The following ACACA variants were observed in gnomAD, a reference collection of about 807,000 sequenced individuals.
ACACA encodes the protein acetyl-CoA carboxylase alpha.
ACACA carries 103 observed loss-of-function variants against 296.1 expected under a neutral mutation model. The observed-to-expected ratio is 0.35, with a 90% confidence interval of 0.30 to 0.41. The LOEUF is 0.41. Ranked by LOEUF, ACACA falls within the 10% of genes least tolerant of loss-of-function variation. The probability of loss-of-function intolerance (pLI) is 1.00; values close to 1 mark genes in which losing one functional copy is unlikely to be tolerated. For missense variants in ACACA, 1,554 were observed against 2,989.7 expected (o/e 0.52, Z 11.20); for synonymous variants, 953 against 1,038.6 (o/e 0.92, Z 1.58).
At chr17:37,158,286 A>G (rs901250985) in intron 42 of ACACA, among the ~76,000 whole-genome samples, 1 of 152,178 alleles carries the variant, frequency 6.6e-6, no homozygotes, top group African/African-American at 2.4e-5. Context: ...CAGGGGTAAG[A>G]TATAAATTTG....
intron 52 of ACACA, among the ~76,000 whole-genome samples, chr17:37,101,385 G>A (rs1464499472): frequency 3.3e-5 from 5 of 152,030 alleles, no homozygotes; most frequent in Admixed American, 1.3e-4. Flanking sequence ...TAGGGTACTG[G>A]GCACCATTCT....
chr17:37,256,384 G>T lies in ACACA; in HGVS notation c.1826+1319C>A, dbSNP rs532421067. ...AATTCCACTTATAGTTTTGAAGAAT[G>T]AGAAGAAATGTAAAGGACAAAATAG... On this transcript the variant is annotated intron_variant, in intron 14 of 55. Transcript: ENST00000616317. Among the ~76,000 whole-genome samples the T allele has an allele frequency of 5.7e-4, 87 of 152,304 alleles. 3 individuals carry two copies. The South Asian group carries it at 0.017, about 30-fold the overall frequency.
chr17:37,309,735 G>A (rs2084044321), intron 3 of ACACA, among the ~76,000 whole-genome samples: 1 of 152,056 alleles, frequency 6.6e-6, no homozygotes, highest in African/African-American at 2.4e-5. Flanking sequence ...AGATCATTCA[G>A]GGTCTCATGA....
At chr17:37,283,446 A>G (rs2082635645) in intron 4 of ACACA, 41 bp from the exon 5 acceptor site, 1 of 1,609,532 alleles carries the variant, frequency 6.2e-7, no homozygotes, top group Admixed American at 1.7e-5. Context: ...GAAAAGGCAG[A>G]AAAAAGCAAC....
intron 3 of ACACA, among the ~76,000 whole-genome samples, chr17:37,318,474 CAGG>C (rs967899677): frequency 6.6e-5 from 10 of 152,212 alleles, no homozygotes; most frequent in African/African-American, 1.9e-4. Flanking sequence ...CTCCTCACCT[CAGG>C]AGATCCACCT....
intron 3 of ACACA, among the ~76,000 whole-genome samples, chr17:37,290,441 C>A (rs1470776168): frequency 6.6e-6 from 1 of 152,202 alleles, no homozygotes; most frequent in Non-Finnish European, 1.5e-5. Context: ...ATGGGACAGA[C>A]ACTATGCTAA....
intron 1 of ACACA, among the ~76,000 whole-genome samples, chr17:37,381,095 A>G (rs1568080195): frequency 6.6e-6 from 1 of 152,072 alleles, no homozygotes. Flanking sequence ...TGCATATTTT[A>G]AAAACATAAA....
At chr17:37,394,215 C>CTT (rs796871691) in intron 1 of ACACA, among the ~76,000 whole-genome samples, 7 of 144,494 alleles carry the variant, frequency 4.8e-5, no homozygotes, top group Admixed American at 3.5e-4. Context: ...TTTTCTTTTT[C>CTT]TTTTTTTTTT....
At chr17:37,388,702 T>G (rs753388785) in intron 1 of ACACA, 8 of 1,611,902 alleles carry the variant, frequency 5.0e-6, no homozygotes, top group Non-Finnish European at 6.8e-6. Context: ...GAGACAGAAA[T>G]GGAGTATTGT....
At chr17:37,186,399 T>G (rs1003662622) in intron 39 of ACACA, among the ~76,000 whole-genome samples, 8 of 152,222 alleles carry the variant, frequency 5.3e-5, no homozygotes, top group Non-Finnish European at 1.2e-4. Context: ...TTTCTCTTTA[T>G]ACGCATAGTG....
At chr17:37,394,857 C>T (rs1457732215) in intron 1 of ACACA, among the ~76,000 whole-genome samples, 3 of 150,974 alleles carry the variant, frequency 2.0e-5, no homozygotes, top group Non-Finnish European at 4.4e-5. Flanking sequence ...CCACTGCACT[C>T]CAGCCTGGGC....
chr17:37,333,568 AGGAAAAATACTTTT>A (rs1270348390), intron 2 of ACACA, among the ~76,000 whole-genome samples: 3 of 152,014 alleles, frequency 2.0e-5, no homozygotes, highest in East Asian at 3.9e-4. Context: ...CCACCAAAGA[AGGAAAAATACTTTT>A]GCCTGCAGCT....
intron 41 of ACACA, among the ~76,000 whole-genome samples, chr17:37,176,619 A>G (rs1248277470): frequency 6.6e-6 from 1 of 152,144 alleles, no homozygotes; most frequent in African/African-American, 2.4e-5. Context: ...CTGAAAGTCA[A>G]CTTGCCCTGA....
intron 3 of ACACA, among the ~76,000 whole-genome samples, chr17:37,287,165 CT>C (rs2082814099): frequency 6.6e-6 from 1 of 152,124 alleles, no homozygotes; most frequent in Non-Finnish European, 1.5e-5. Flanking sequence ...CTATTCCCAC[CT>C]TTTCTTCCTT....
intron 1 of ACACA, among the ~76,000 whole-genome samples, chr17:37,353,990 C>T (rs1217753597): frequency 6.6e-6 from 1 of 152,136 alleles, no homozygotes; most frequent in Non-Finnish European, 1.5e-5. Context: ...TGCCTGCGAT[C>T]CCAGCTACTC....
At chr17:37,156,275 G>A (rs554624540) in intron 42 of ACACA, among the ~76,000 whole-genome samples, 32 of 151,978 alleles carry the variant, frequency 2.1e-4, no homozygotes, top group African/African-American at 7.7e-4. Flanking sequence ...GTGTTAGCCA[G>A]GATGGTCTCA....
At chr17:37,235,230 G>T in intron 24 of ACACA, 131 bp from the exon 25 acceptor site, 1 of 1,180,558 alleles carries the variant, frequency 8.5e-7, no homozygotes, top group Non-Finnish European at 1.2e-6. Flanking sequence ...TTCTTGGATG[G>T]ATTTGTACAG....
intron 10 of ACACA, among the ~76,000 whole-genome samples, chr17:37,267,040 G>A (rs978334316): frequency 4.6e-5 from 7 of 152,084 alleles, no homozygotes; most frequent in African/African-American, 9.7e-5. Flanking sequence ...AATGTCTTAC[G>A]TTTTACTTTT....
chr17:37,231,171 A>T (rs2079842469), intron 25 of ACACA, among the ~76,000 whole-genome samples: 3 of 151,998 alleles, frequency 2.0e-5, no homozygotes, highest in Non-Finnish European at 2.9e-5. Flanking sequence ...TTGAGCACAG[A>T]AGTTTGACAG....
Sources: allele counts gnomAD v4.1 joint callset (sites outside exome capture counted in the v4.1 genomes callset), GRCh38; gene constraint gnomAD v4.1.1; transcripts MANE v1.5; gene names NCBI Gene and HGNC (gene_info 2026-07-23, HGNC 2026-07-21).